PEX7: variants seen among roughly 807,000 people sequenced by gnomAD.
The protein encoded by PEX7 is PTS2 receptor.
In PEX7, 34 loss-of-function variants were observed where a neutral mutation model predicts 47.5. That is an observed-to-expected ratio of 0.72 (90% CI 0.54 to 0.95). The LOEUF (loss-of-function observed/expected upper bound fraction) is 0.95, where lower values mean the gene tolerates loss of function less well. Ranked by LOEUF, PEX7 falls within the 40% of genes least tolerant of loss-of-function variation. PEX7 has a pLI of 0.00. For synonymous variants in PEX7, 141 were observed against 148.8 expected, an observed-to-expected ratio of 0.95 and a Z score of 0.38; for missense variants, 394 against 400.3, an observed-to-expected ratio of 0.98 and a Z score of 0.13.
chr6:136,823,970 A>G (rs1428968168), intron 1 of PEX7, among the ~76,000 whole-genome samples: 1 of 152,200 alleles, frequency 6.6e-6, no homozygotes, highest in Non-Finnish European at 1.5e-5. Flanking sequence ...TTCATGTCCT[A>G]GCTATTATAC....
chr6:136,855,153 G>T (rs1339404626), intron 5 of PEX7, among the ~76,000 whole-genome samples: 1 of 151,580 alleles, frequency 6.6e-6, no homozygotes, highest in Non-Finnish European at 1.5e-5. Context: ...CCTGCTGGGA[G>T]CTCTAATTGG....
At chr6:136,836,609 A>G (rs955015489) in intron 3 of PEX7, among the ~76,000 whole-genome samples, 21 of 152,218 alleles carry the variant, frequency 1.4e-4, no homozygotes, top group African/African-American at 5.1e-4. Context: ...AGTGACTTTA[A>G]AAACCCAGTA....
rs1052443357 is a variant in PEX7 at position 136,825,157 on chromosome 6, CT to C, written c.131-54del. ...TATCAATTACTTGATAACTCCTTGA[CT>C]TTCGATGTTACCCTGGCAGGTTCAA... On this transcript the variant is annotated intron_variant, in intron 1 of 9. Coordinates refer to ENST00000318471, the MANE Select transcript of PEX7 (RefSeq NM_000288.4). The C allele has an allele frequency of 1.1e-5, 15 of 1,418,342 alleles. No homozygotes were observed. In the African/African-American group the frequency reaches 2.1e-4, roughly 20 times the overall value. 87.9% of individuals were successfully genotyped at this position (1,418,342 alleles called of 1,614,324 possible). A position where few individuals can be genotyped will look rare whatever the true frequency, so the allele number is the denominator to read the frequency against.
chr6:136,867,662 C>G (rs1775097930), intron 6 of PEX7, among the ~76,000 whole-genome samples: 1 of 151,972 alleles, frequency 6.6e-6, no homozygotes, highest in Non-Finnish European at 1.5e-5. Flanking sequence ...CCTGTAGTCC[C>G]AGCTACTCGG....
In PEX7 at chr6:136,879,685, A is replaced by C. The variant is rs74520746; in HGVS notation, c.803+7432A>C. 3.4e-3 allele frequency among the ~76,000 whole-genome samples: 521 copies of C among 152,232 alleles called. 9 individuals carry two copies. The South Asian group carries it at 0.041, about 12-fold the overall frequency. On this transcript the variant is annotated intron_variant, in intron 8 of 9. Transcript: ENST00000318471. Reference sequence around the variant, plus strand: ...TTCCTAGAAAGTTTTTTGAATTACAATTTTAAATAATAGTTCTACTTAATT... The same window carrying C: ...TTCCTAGAAAGTTTTTTGAATTACACTTTTAAATAATAGTTCTACTTAATT...
At chr6:136,825,075 A>T in intron 1 of PEX7, 139 bp from the exon 2 acceptor site, 1 of 719,596 alleles carries the variant, frequency 1.4e-6, no homozygotes, top group Admixed American at 2.1e-5. Context: ...TCACCTGACC[A>T]TTTGGTATTC....
intron 8 of PEX7, among the ~76,000 whole-genome samples, chr6:136,875,472 G>T (rs1775254584): frequency 6.6e-6 from 1 of 152,046 alleles, no homozygotes; most frequent in Non-Finnish European, 1.5e-5. Context: ...AAAAAAATTT[G>T]TTAATAATTT....
chr6:136,878,783 C>T (rs941906637), intron 8 of PEX7, among the ~76,000 whole-genome samples: 1 of 151,952 alleles, frequency 6.6e-6, no homozygotes, highest in Non-Finnish European at 1.5e-5. Context: ...TGTTTAGCAT[C>T]GAATGTGTCA....
intron 1 of PEX7, chr6:136,823,186 G>C (rs1774116964): frequency 2.0e-6 from 2 of 985,302 alleles, no homozygotes; most frequent in African/African-American, 3.5e-5. Context: ...GTCTGAGCCA[G>C]AACCGACCCA....
At chr6:136,840,929 T>C (rs2115161305) in intron 3 of PEX7, among the ~76,000 whole-genome samples, 1 of 152,284 alleles carries the variant, frequency 6.6e-6, no homozygotes, top group South Asian at 2.1e-4. Flanking sequence ...AGTGACCCCC[T>C]GCCCTTGTCA....
At chr6:136,844,830 G>A (rs1444650759) in intron 3 of PEX7, among the ~76,000 whole-genome samples, 1 of 152,078 alleles carries the variant, frequency 6.6e-6, no homozygotes, top group Non-Finnish European at 1.5e-5. Flanking sequence ...ACATGTAAGC[G>A]GCTTAAGCCC....
intron 3 of PEX7, among the ~76,000 whole-genome samples, chr6:136,838,390 A>G (rs867523704): frequency 3.3e-5 from 5 of 152,234 alleles, no homozygotes; most frequent in African/African-American, 1.2e-4. Context: ...TACAAGACCA[A>G]TAACTTGGTT....
Position 136,913,677 on chromosome 6 carries a change from G to C in PEX7, c.*151G>C. On this transcript the variant is annotated 3_prime_UTR_variant, in exon 10 of 10. Transcript: ENST00000318471. ...TTACCCTGGAATCAGTTTTGAGGGA[G>C]CTGATAAAGACTTTAGCTGACTCGT... 1 of 694,668 alleles carries C rather than the reference G, an allele frequency of 1.4e-6. No homozygotes were observed. The allele number at this position is 694,668 out of a possible 1,614,324, so 43.0% of individuals were successfully genotyped here.
At chr6:136,844,420 A>G (rs1774558447) in intron 3 of PEX7, among the ~76,000 whole-genome samples, 1 of 152,110 alleles carries the variant, frequency 6.6e-6, no homozygotes, top group East Asian at 1.9e-4. Context: ...GTTTTGATCT[A>G]AATATATCTT....
At chr6:136,850,483 G>T (rs1322259924) in intron 5 of PEX7, among the ~76,000 whole-genome samples, 6 of 152,098 alleles carry the variant, frequency 3.9e-5, no homozygotes, top group African/African-American at 1.2e-4. Flanking sequence ...GCATGTTTTT[G>T]CAGTGGCTGG....
intron 9 of PEX7, among the ~76,000 whole-genome samples, chr6:136,899,075 C>CTTTT (rs1562757198): frequency 9.2e-6 from 1 of 108,728 alleles, no homozygotes; most frequent in Non-Finnish European, 2.0e-5. Context: ...TTTTTTTTTT[C>CTTTT]TTTTCTTTTT....
chr6:136,888,818 A>G (rs971357011), intron 8 of PEX7, among the ~76,000 whole-genome samples: 2 of 152,150 alleles, frequency 1.3e-5, no homozygotes, highest in African/African-American at 4.8e-5. Context: ...TCCACTTTAA[A>G]TATTTCTGAA....
At position 136,822,669 on chromosome 6, in the gene PEX7, A is replaced by AGTGCGGT. The variant is rs62636519; in HGVS notation, c.13_19dup (p.Gly7ValfsTer51). 5.9e-6 allele frequency: 9 copies of AGTGCGGT among 1,524,806 alleles called. No homozygotes were observed. Among genetic ancestry groups the AGTGCGGT allele is most frequent in the African/African-American group, 5.6e-5 (4 of 71,592 alleles). The allele number at this position is 1,524,806 out of a possible 1,614,324, so 94.5% of individuals were successfully genotyped here. ...AGGGCCGGGGGCGGCGGGCGGGATG[A>AGTGCGGT]GTGCGGTGTGCGGTGGAGCGGCGCG... On this transcript the variant is annotated frameshift_variant, in exon 1 of 10. Coordinates refer to ENST00000318471, the MANE Select transcript of PEX7 (RefSeq NM_000288.4). LOFTEE classifies it high-confidence loss of function.
At chr6:136,850,241 C>A (rs1249676001) in intron 5 of PEX7, among the ~76,000 whole-genome samples, 4 of 151,766 alleles carry the variant, frequency 2.6e-5, no homozygotes, top group Non-Finnish European at 5.9e-5. Flanking sequence ...TTATTTTGAG[C>A]CTTTATGTGT....
Sources: allele counts gnomAD v4.1 joint callset (sites outside exome capture counted in the v4.1 genomes callset), GRCh38; gene constraint gnomAD v4.1.1; transcripts MANE v1.5; gene names NCBI Gene and HGNC (gene_info 2026-07-23, HGNC 2026-07-21).